MED27: variants seen among roughly 807,000 people sequenced by gnomAD.
MED27 encodes mediator complex subunit 27.
In MED27, 30 loss-of-function variants were observed where a neutral mutation model predicts 38.2. The ratio of observed to expected loss-of-function variants is 0.79; its 90% confidence interval spans 0.59 to 1.07. MED27 has a LOEUF of 1.07. Ranked by LOEUF, MED27 falls within the 50% of genes least tolerant of loss-of-function variation. The pLI is 0.00. For synonymous variants in MED27, 122 were observed against 153.5 expected (o/e 0.79, Z 1.52); for missense variants, 289 against 397.5 (o/e 0.73, Z 2.32).
chr9:132,006,285 G>A (rs145163900), intron 3 of MED27, among the ~76,000 whole-genome samples: 3 of 152,252 alleles, frequency 2.0e-5, no homozygotes, highest in Non-Finnish European at 2.9e-5. Context: ...CTGAGGAAAC[G>A]CTCTGCATTT....
Position 132,077,524 on chromosome 9 carries a change from C to T in MED27, c.266G>A (p.Ser89Asn). ...CACAGGATCCAGGCTTAACAGCCCA[C>T]TGTTATGAAGAGGATGGTTCTCAGA... is the stretch of plus-strand genomic sequence containing the variant. ...KPSENHPLHN[S>N]GLLSLDPVQD... Residue 89 changes from serine (S) to asparagine (N), a missense_variant, in exon 2 of 8, where the codon AGT becomes AAT. Physicochemically the swap from Ser to Asn is conservative, Grantham distance 46. Transcript: ENST00000292035. The T allele has an allele frequency of 6.2e-7, 1 of 1,614,136 alleles. No individual in the cohort carries two copies. The highest frequency in any genetic ancestry group is 8.5e-7 in the Non-Finnish European group (1 of 1,180,010).
chr9:131,978,165 C>T (rs1440020218), intron 3 of MED27, among the ~76,000 whole-genome samples: 1 of 152,102 alleles, frequency 6.6e-6, no homozygotes, highest in Non-Finnish European at 1.5e-5. Flanking sequence ...CAAGCACAGA[C>T]ACATGTTTAA....
At chr9:131,954,430 C>T (rs1171890945) in intron 3 of MED27, among the ~76,000 whole-genome samples, 2 of 152,202 alleles carry the variant, frequency 1.3e-5, no homozygotes, top group Non-Finnish European at 2.9e-5. Context: ...GGAGCCAAAT[C>T]TAGGAGTCTA....
At chr9:132,027,527 G>A (rs1936077727) in intron 2 of MED27, among the ~76,000 whole-genome samples, 2 of 152,190 alleles carry the variant, frequency 1.3e-5, no homozygotes, top group Admixed American at 1.3e-4. Flanking sequence ...GCCTTCTGAT[G>A]CTTCACACCC....
intron 6 of MED27, among the ~76,000 whole-genome samples, chr9:131,875,014 G>A (rs1461365564): frequency 6.6e-6 from 1 of 152,210 alleles, no homozygotes; most frequent in African/African-American, 2.4e-5. Flanking sequence ...AGCTGGGAGA[G>A]AGACCCCGCC....
At chr9:131,977,032 A>G (rs550639792) in intron 3 of MED27, among the ~76,000 whole-genome samples, 3 of 152,366 alleles carry the variant, frequency 2.0e-5, no homozygotes, top group Non-Finnish European at 4.4e-5. Context: ...CTTTGATGTC[A>G]GTTACAAGGA....
intron 3 of MED27, among the ~76,000 whole-genome samples, chr9:131,972,548 C>T (rs545658463): frequency 2.8e-4 from 43 of 152,310 alleles, no homozygotes; most frequent in African/African-American, 7.7e-4. Flanking sequence ...TATACATTCA[C>T]GTTTAGTAAA....
intron 4 of MED27, among the ~76,000 whole-genome samples, chr9:131,905,512 C>T (rs1830037280): frequency 6.6e-6 from 1 of 152,074 alleles, no homozygotes; most frequent in South Asian, 2.1e-4. Flanking sequence ...GAAGGCTCTG[C>T]CTCATACTGC....
At chr9:132,006,679 C>A (rs909488961) in intron 3 of MED27, among the ~76,000 whole-genome samples, 1 of 151,904 alleles carries the variant, frequency 6.6e-6, no homozygotes, top group Non-Finnish European at 1.5e-5. Flanking sequence ...TAAAAAAGGT[C>A]TCAAAATGAG....
intron 4 of MED27, among the ~76,000 whole-genome samples, chr9:131,915,125 A>G (rs895228800): frequency 6.6e-6 from 1 of 152,184 alleles, no homozygotes; most frequent in African/African-American, 2.4e-5. Context: ...TCTAGGGAGT[A>G]GGAGTAGACA....
chr9:131,944,879 A>C (rs1350567236), intron 3 of MED27, among the ~76,000 whole-genome samples: 1 of 151,872 alleles, frequency 6.6e-6, no homozygotes, highest in Non-Finnish European at 1.5e-5. Flanking sequence ...AAGGTATGAA[A>C]ATTAAAACAC....
At chr9:131,974,615 C>A (rs4962162) in intron 3 of MED27, among the ~76,000 whole-genome samples, 14,939 of 152,220 alleles carry the variant, frequency 0.098, 1,200 homozygotes, top group East Asian at 0.37. Context: ...AGGAGTGGGT[C>A]AGACAGAGCT....
At chr9:132,049,064 CCAAT>C (rs1344619777) in intron 2 of MED27, among the ~76,000 whole-genome samples, 5 of 152,160 alleles carry the variant, frequency 3.3e-5, no homozygotes, top group African/African-American at 1.2e-4. Flanking sequence ...AGTGGAGCAA[CCAAT>C]CAGTTTTGGT....
At chr9:131,995,814 T>G (rs939752370) in intron 3 of MED27, among the ~76,000 whole-genome samples, 2 of 152,116 alleles carry the variant, frequency 1.3e-5, no homozygotes, top group Non-Finnish European at 2.9e-5. Context: ...AAAGATGGGG[T>G]ATGGGGTACC....
At chr9:131,973,923 C>T (rs780311789) in intron 3 of MED27, among the ~76,000 whole-genome samples, 1 of 151,682 alleles carries the variant, frequency 6.6e-6, no homozygotes, top group African/African-American at 2.4e-5. Context: ...TCACCATAGC[C>T]GGGATGGTCT....
chr9:131,869,466 G>T (rs1265538708), intron 6 of MED27: 1 of 944,972 alleles, frequency 1.1e-6, no homozygotes, highest in Non-Finnish European at 1.3e-6. Context: ...CCCATTGTGC[G>T]GCAAAGCTAA....
chr9:131,899,991 T>C (rs1829908638), intron 4 of MED27, among the ~76,000 whole-genome samples: 1 of 152,218 alleles, frequency 6.6e-6, no homozygotes, highest in African/African-American at 2.4e-5. Flanking sequence ...AGGATACCAC[T>C]AATAAAAGCT....
At chr9:131,921,787 G>A (rs1047775746) in intron 4 of MED27, among the ~76,000 whole-genome samples, 3 of 152,110 alleles carry the variant, frequency 2.0e-5, no homozygotes, top group South Asian at 2.1e-4. Flanking sequence ...AATGTCCAAC[G>A]ATAGACTGGA....
rs939041408 is a variant in MED27 at position 131,862,736 on chromosome 9, C to T, written c.801+327G>A. Among the ~76,000 whole-genome samples, 1 of 152,202 alleles carries T rather than the reference C, an allele frequency of 6.6e-6. No individual in the cohort carries two copies. Among genetic ancestry groups the T allele is most frequent in the Admixed American group, 6.5e-5 (1 of 15,292 alleles). Reference sequence around the variant, plus strand: ...CGATCTGTTAATTCACTGCTACATGCTCTGTGCCAACCACAGGGCCTGGCC... The same window carrying T: ...CGATCTGTTAATTCACTGCTACATGTTCTGTGCCAACCACAGGGCCTGGCC... On this transcript the variant is annotated intron_variant, in intron 7 of 7. Transcript: ENST00000292035. This position sits in a 1 kb window ranked among gnomAD's most constrained non-coding sequence, Gnocchi z 4.6.
Sources: allele counts gnomAD v4.1 joint callset (sites outside exome capture counted in the v4.1 genomes callset), GRCh38; gene constraint gnomAD v4.1.1; non-coding constraint Gnocchi (gnomAD v3.1); transcripts MANE v1.5; gene names NCBI Gene and HGNC (gene_info 2026-07-23, HGNC 2026-07-21).